The following MAP4K4 variants were observed in gnomAD, a reference collection of about 807,000 sequenced individuals.
The protein encoded by MAP4K4 is HPK/GCK-like kinase HGK.
MAP4K4 carries 38 observed loss-of-function variants against 189.6 expected under a neutral mutation model. That is an observed-to-expected ratio of 0.20 (90% confidence interval 0.15 to 0.26). The LOEUF is 0.26. Ranked by LOEUF, MAP4K4 falls within the 10% of genes least tolerant of loss-of-function variation. MAP4K4 has a pLI of 1.00. For missense variants in MAP4K4, 1,054 were observed against 1,726.9 expected (o/e 0.61, Z 6.91); for synonymous variants, 610 against 624.3 (o/e 0.98, Z 0.34).
chr2:101,739,275 T>G (rs141548113), intron 2 of MAP4K4, among the ~76,000 whole-genome samples: 1 of 152,228 alleles, frequency 6.6e-6, no homozygotes, highest in Non-Finnish European at 1.5e-5. Flanking sequence ...GTGTTACTTC[T>G]GTTGCCTTCA....
At chr2:101,825,323 T>C in exon 5 of MAP4K4, 5 of 1,607,730 alleles carry the variant, frequency 3.1e-6, no homozygotes, top group Non-Finnish European at 4.3e-6. Context: ...CTATAGCTTG[T>C]TATGGAGTTC....
chr2:101,781,135 T>C (rs778033839), intron 2 of MAP4K4, among the ~76,000 whole-genome samples: 1 of 152,204 alleles, frequency 6.6e-6, no homozygotes, highest in Non-Finnish European at 1.5e-5. Flanking sequence ...AAAGAAAGCA[T>C]GTGCTAATCC....
intron 2 of MAP4K4, among the ~76,000 whole-genome samples, chr2:101,737,546 G>A (rs1309802071): frequency 1.5e-5 from 2 of 133,656 alleles, no homozygotes; most frequent in African/African-American, 2.8e-5. Flanking sequence ...GAAATGTTAC[G>A]TATTAATATC....
chr2:101,719,586 G>T (rs2050489200), intron 2 of MAP4K4, among the ~76,000 whole-genome samples: 1 of 152,198 alleles, frequency 6.6e-6, no homozygotes, highest in South Asian at 2.1e-4. Flanking sequence ...CAATCAGGGA[G>T]AAACTGGGGA....
At chr2:101,888,957 C>A in intron 32 of MAP4K4, 22 bp downstream of exon 32, 1 of 1,591,442 alleles carries the variant, frequency 6.3e-7, no homozygotes, top group Non-Finnish European at 8.6e-7. Flanking sequence ...CTTATGGATT[C>A]TTTTTAGTTG....
chr2:101,823,819 C>T (rs1576290911), intron 3 of MAP4K4, 109 bp from the exon 4 acceptor site: 1 of 927,852 alleles, frequency 1.1e-6, no homozygotes, highest in East Asian at 2.8e-5. Flanking sequence ...GCCTCTGCTC[C>T]TGGAGGATGG....
chr2:101,729,097 A>AGTGTGT (rs1224495620), intron 2 of MAP4K4, among the ~76,000 whole-genome samples: 42 of 64,924 alleles, frequency 6.5e-4, no homozygotes, highest in African/African-American at 1.2e-3. Flanking sequence ...AGAGAGAGAG[A>AGTGTGT]GAGAGTGTGT....
Position 101,811,666 on chromosome 2 carries a change from C to T in MAP4K4, c.181-12262C>T, listed in dbSNP as rs1033527007. On this transcript the variant is annotated intron_variant, in intron 3 of 32. Transcript: ENST00000324219. ...CTGTCCTGCCCCTGCTTGCTCTTGCCGGTGCCCCACATGGTGTTTGCTATG... is the reference window on the plus strand; with the variant it reads ...CTGTCCTGCCCCTGCTTGCTCTTGCTGGTGCCCCACATGGTGTTTGCTATG... Among the ~76,000 whole-genome samples, 6 of 152,112 alleles carry T rather than the reference C, an allele frequency of 3.9e-5. No homozygotes were observed. The East Asian group carries it at 5.8e-4, about 15-fold the overall frequency.
At position 101,758,859 on chromosome 2, in the gene MAP4K4, C is replaced by T. The variant is rs965901848; in HGVS notation, c.124-31861C>T. On this transcript the variant is annotated intron_variant, in intron 2 of 32. Transcript: ENST00000324219. Reference sequence around the variant, plus strand: ...CTATAAAGAAGGGTTGCTGGCCGGGCGCGGTGGCTCACGCCTGTAATCCCA... The same window carrying T: ...CTATAAAGAAGGGTTGCTGGCCGGGTGCGGTGGCTCACGCCTGTAATCCCA... 1.9e-4 allele frequency among the ~76,000 whole-genome samples: 29 copies of T among 152,170 alleles called. No homozygotes were observed. The East Asian group carries it at 2.5e-3, about 13-fold the overall frequency.
intron 3 of MAP4K4, among the ~76,000 whole-genome samples, chr2:101,795,091 T>C (rs1229478114): frequency 6.6e-6 from 1 of 152,204 alleles, no homozygotes; most frequent in Non-Finnish European, 1.5e-5. Flanking sequence ...ACTTCACTCA[T>C]AGCCTTCCCA....
At chr2:101,728,535 G>A (rs960091642) in intron 2 of MAP4K4, among the ~76,000 whole-genome samples, 1 of 151,928 alleles carries the variant, frequency 6.6e-6, no homozygotes, top group African/African-American at 2.4e-5. Context: ...CTTTTGAGAT[G>A]GAGTCTCGCT....
intron 2 of MAP4K4, among the ~76,000 whole-genome samples, chr2:101,744,447 T>G (rs956213797): frequency 6.6e-6 from 1 of 152,210 alleles, no homozygotes; most frequent in African/African-American, 2.4e-5. Flanking sequence ...CAGAGCAGAT[T>G]AAGAGACATT....
At chr2:101,823,764 C>CT (rs2096215056) in intron 3 of MAP4K4, among the ~76,000 whole-genome samples, 164 bp from the exon 4 acceptor site, 1 of 152,120 alleles carries the variant, frequency 6.6e-6, no homozygotes, top group African/African-American at 2.4e-5. Flanking sequence ...GATGAGTCCT[C>CT]TAAGGTTCCT....
intron 27 of MAP4K4, among the ~76,000 whole-genome samples, chr2:101,879,239 G>T (rs2098308252): frequency 6.9e-6 from 1 of 144,170 alleles, no homozygotes; most frequent in Admixed American, 6.9e-5. Context: ...ATAATCAGCT[G>T]ATACCAGTAA....
intron 12 of MAP4K4, among the ~76,000 whole-genome samples, chr2:101,851,779 A>G (rs1239387215): frequency 6.4e-5 from 4 of 62,132 alleles, no homozygotes; most frequent in African/African-American, 1.7e-4. Flanking sequence ...GTTCTTAACT[A>G]TTTGGTCCCA....
intron 4 of MAP4K4, among the ~76,000 whole-genome samples, chr2:101,824,257 T>C (rs1377650955): frequency 2.0e-5 from 3 of 152,126 alleles, no homozygotes; most frequent in Non-Finnish European, 4.4e-5. Context: ...CGATTTCACA[T>C]TGCGTGGAAA....
At chr2:101,861,118 A>G in intron 16 of MAP4K4, 132 bp downstream of exon 16, 1 of 813,552 alleles carries the variant, frequency 1.2e-6, no homozygotes, top group Non-Finnish European at 1.9e-6. Flanking sequence ...GAGTGAGTTT[A>G]GACTAAAAGA....
chr2:101,808,207 G>A (rs1368938380), intron 3 of MAP4K4, among the ~76,000 whole-genome samples: 2 of 152,166 alleles, frequency 1.3e-5, no homozygotes, highest in South Asian at 2.1e-4. Context: ...CAGGGTAACC[G>A]AAGATGAGGG....
At chr2:101,874,135 C>T (rs781009612) in exon 26 of MAP4K4, 10 of 1,613,856 alleles carry the variant, frequency 6.2e-6, no homozygotes, top group East Asian at 2.2e-5. Flanking sequence ...AGATCCTACC[C>T]GGAAAGGCTC....
Sources: allele counts gnomAD v4.1 joint callset (sites outside exome capture counted in the v4.1 genomes callset), GRCh38; gene constraint gnomAD v4.1.1; transcripts MANE v1.5; gene names NCBI Gene and HGNC (gene_info 2026-07-23, HGNC 2026-07-21).